LYZ: variants seen among roughly 807,000 people sequenced by gnomAD.
The protein encoded by LYZ is lysozyme.
In LYZ, 18 loss-of-function variants were observed where a neutral mutation model predicts 15.8. The observed-to-expected ratio is 1.14, with a 90% CI of 0.79 to 1.69. The LOEUF is 1.69. Ranked by LOEUF, LYZ falls within the 40% of genes most tolerant of loss-of-function variation. LYZ has a pLI of 0.00. For missense variants in LYZ, 139 were observed against 182.8 expected (o/e 0.76, Z 1.38); for synonymous variants, 60 against 61.7 (o/e 0.97, Z 0.13).
At position 69,353,214 on chromosome 12, in the gene LYZ, G is replaced by T; in HGVS notation, c.442G>T (p.Val148Leu). Residue 148 changes from valine (V) to leucine (L), a missense_variant, in exon 4 of 4, where the codon GTG becomes TTG. Physicochemically the swap from Val to Leu is conservative, Grantham distance 32. Coordinates refer to ENST00000261267, the MANE Select transcript of LYZ (RefSeq NM_000239.3). ...CCGTCAGTATGTTCAAGGTTGTGGA[G>T]TGTAACTCCAGAATTTTCCTTCTTC... Reference protein sequence around the residue: ...DVRQYVQGCGV With the variant: ...DVRQYVQGCGL 6.2e-7 allele frequency: 1 copy of T among 1,613,712 alleles called. No homozygotes were observed. Among genetic ancestry groups the T allele is most frequent in the Non-Finnish European group, 8.5e-7 (1 of 1,179,632 alleles).
At chr12:69,350,382 C>T in intron 2 of LYZ, 110 bp downstream of exon 2, 1 of 1,041,934 alleles carries the variant, frequency 9.6e-7, no homozygotes, top group Non-Finnish European at 1.5e-6. Context: ...AACTACATCT[C>T]AACTTCCAGA....
At chr12:69,351,313 T>C (rs1252414580) in intron 2 of LYZ, among the ~76,000 whole-genome samples, 1 of 151,954 alleles carries the variant, frequency 6.6e-6, no homozygotes. Context: ...TATTATTAAA[T>C]TGTTAAATAT....
In LYZ at chr12:69,353,410, A is replaced by G. The variant is rs183375295; in HGVS notation, c.*191A>G. On this transcript the variant is annotated 3_prime_UTR_variant, in exon 4 of 4. Transcript: ENST00000261267. ...GTGGTTATTTTACATTAAGCCTACA[A>G]CATTTTTCAGTTTGCAAATAGAACT... 2.8e-3 allele frequency: 1,802 copies of G among 645,514 alleles called. 34 individuals are homozygous for G. The East Asian group carries it at 0.031, about 11-fold the overall frequency. 40.0% of individuals were successfully genotyped at this position (645,514 alleles called of 1,614,324 possible). A position where few individuals can be genotyped will look rare whatever the true frequency, so the allele number is the denominator to read the frequency against.
chr12:69,349,836 C>T (rs138672030), intron 1 of LYZ, among the ~76,000 whole-genome samples: 1 of 151,984 alleles, frequency 6.6e-6, no homozygotes, highest in African/African-American at 2.4e-5. Context: ...GATGGGAGCA[C>T]GGGAAGGGTA....
At chr12:69,351,859 T>G (rs995620318) in intron 2 of LYZ, among the ~76,000 whole-genome samples, 2 of 152,230 alleles carry the variant, frequency 1.3e-5, no homozygotes, top group Non-Finnish European at 2.9e-5. Context: ...TATGAATAGC[T>G]TTTTGTATAC....
rs1302352452 is a variant in LYZ, at chr12:69,348,523, A to C, written c.115A>C (p.Arg39=). ...GAAAAGATTGGGAATGGATGGCTAC[A>C]GGGGAATCAGCCTAGCAAACTGTAA... is the stretch of plus-strand genomic sequence containing the variant. ...TLKRLGMDGY[R]GISLANWMCL... Residue 39 remains arginine (R), a synonymous_variant, in exon 1 of 4, where the codon AGG becomes CGG. Coordinates refer to ENST00000261267, the MANE Select transcript of LYZ (RefSeq NM_000239.3). The C allele has an allele frequency of 6.2e-7, 1 of 1,614,114 alleles. No homozygotes were observed. Among genetic ancestry groups the C allele is most frequent in the African/African-American group, 1.3e-5 (1 of 74,932 alleles).
chr12:69,350,418 TC>T, intron 2 of LYZ, 146 bp downstream of exon 2: 1 of 772,110 alleles, frequency 1.3e-6, no homozygotes, highest in Non-Finnish European at 2.1e-6. Flanking sequence ...TCCTCATAAT[TC>T]CCTGAGTAAG....
rs773204148 is a variant in LYZ at position 69,348,498 on chromosome 12, G to A, written c.90G>A (p.Leu30=). ...VFERCELART[L]KRLGMDGYRG... The stretch of plus-strand genomic sequence containing the variant: ...AAAGGTGTGAGTTGGCCAGAACTCT[G>A]AAAAGATTGGGAATGGATGGCTACA... The change falls in exon 1 of 4, where the codon CTG becomes CTA. Residue 30 remains leucine, a synonymous_variant. Coordinates refer to ENST00000261267, the MANE Select transcript of LYZ (RefSeq NM_000239.3). 1.2e-6 allele frequency: 2 copies of A among 1,614,184 alleles called. No individual in the cohort carries two copies. Among genetic ancestry groups the A allele is most frequent in the Admixed American group, 3.3e-5 (2 of 60,024 alleles).
chr12:69,350,956 G>A (rs1874832717), intron 2 of LYZ, among the ~76,000 whole-genome samples: 1 of 151,482 alleles, frequency 6.6e-6, no homozygotes, highest in African/African-American at 2.4e-5. Context: ...GAAATTTTTA[G>A]TACAGGCAAA....
chr12:69,348,527 G>A lies in LYZ; in HGVS notation c.119G>A (p.Gly40Glu), dbSNP rs751442626. The A allele has an allele frequency of 6.2e-7, 1 of 1,614,158 alleles. No homozygotes were observed. The highest frequency in any genetic ancestry group is 8.5e-7 in the Non-Finnish European group (1 of 1,180,028). Residue 40 changes from glycine (G) to glutamate (E), a missense_variant, in exon 1 of 4, where the codon GGA (glycine) becomes GAA (glutamate). Transcript: ENST00000261267. ...LKRLGMDGYR[G>E]ISLANWMCLA... ...AGATTGGGAATGGATGGCTACAGGG[G>A]AATCAGCCTAGCAAACTGTAAGTCT...
intron 1 of LYZ, among the ~76,000 whole-genome samples, chr12:69,349,776 A>G (rs1216426569): frequency 6.6e-6 from 1 of 152,168 alleles, no homozygotes; most frequent in Non-Finnish European, 1.5e-5. Flanking sequence ...TACAAAATCT[A>G]CTCAACAGCT....
chr12:69,352,217 C>G lies in LYZ; in HGVS notation c.302-3C>G. On this transcript the variant is annotated splice_polypyrimidine_tract_variant and splice_region_variant and intron_variant, in intron 2 of 3. Coordinates refer to ENST00000261267, the MANE Select transcript of LYZ (RefSeq NM_000239.3). ...TTTTTATTCCTTACCACCTGTCTTTCAGCTTTGCTGCAAGATAACATCGCT... is the reference window on the plus strand; with the variant it reads ...TTTTTATTCCTTACCACCTGTCTTTGAGCTTTGCTGCAAGATAACATCGCT... The G allele has an allele frequency of 6.2e-7, 1 of 1,612,082 alleles. No individual in the cohort carries two copies. Among genetic ancestry groups the G allele is most frequent in the Non-Finnish European group, 8.5e-7 (1 of 1,178,206 alleles).
chr12:69,348,951 C>T (rs1874783075), intron 1 of LYZ, among the ~76,000 whole-genome samples: 1 of 151,830 alleles, frequency 6.6e-6, no homozygotes, highest in Non-Finnish European at 1.5e-5. Flanking sequence ...CAGTATTTTT[C>T]TTGTCTTCAA....
At chr12:69,350,505 CT>C (rs1309232745) in intron 2 of LYZ, 13 of 493,940 alleles carry the variant, frequency 2.6e-5, no homozygotes, top group Non-Finnish European at 4.4e-5. Flanking sequence ...TATTAATTTA[CT>C]GTCAATGGCC....
chr12:69,353,595 T>G lies in LYZ; in HGVS notation c.*376T>G. 1 of 260,142 alleles carries G rather than the reference T, an allele frequency of 3.8e-6. No individual in the cohort carries two copies. Among genetic ancestry groups the G allele is most frequent in the Non-Finnish European group, 7.5e-6 (1 of 134,120 alleles). 16.1% of individuals were successfully genotyped at this position (260,142 alleles called of 1,614,324 possible). On this transcript the variant is annotated 3_prime_UTR_variant, in exon 4 of 4. Transcript: ENST00000261267. ...CCTCCACCTCCCGGGTTCACGCCATTCTCCTGCCTCAGCCTCCCGAGTAGC... is the reference window on the plus strand; with the variant it reads ...CCTCCACCTCCCGGGTTCACGCCATGCTCCTGCCTCAGCCTCCCGAGTAGC...
Position 69,353,890 on chromosome 12 carries a change from T to A in LYZ, c.*671T>A, listed in dbSNP as rs1338995763. On this transcript the variant is annotated 3_prime_UTR_variant, in exon 4 of 4. Transcript: ENST00000261267. ...ATAAGAAAAGGTTATCTTAAATAGATCTTAGGCAAAATACCAGCTGATGAA... is the reference window on the plus strand; with the variant it reads ...ATAAGAAAAGGTTATCTTAAATAGAACTTAGGCAAAATACCAGCTGATGAA... 6.6e-6 allele frequency: 1 copy of A among 152,358 alleles called. No individual in the cohort carries two copies. The highest frequency in any genetic ancestry group is 2.4e-5 in the African/African-American group (1 of 41,394). 9.4% of individuals were successfully genotyped at this position (152,358 alleles called of 1,614,324 possible). A position where few individuals can be genotyped will look rare whatever the true frequency, so the allele number is the denominator to read the frequency against.
At chr12:69,349,201 C>T (rs1874789137) in intron 1 of LYZ, among the ~76,000 whole-genome samples, 1 of 152,056 alleles carries the variant, frequency 6.6e-6, no homozygotes, top group African/African-American at 2.4e-5. Context: ...TGGGGTTTCA[C>T]CATGTTGGCC....
In LYZ at chr12:69,350,256, T is replaced by C. The variant is rs866281899; in HGVS notation, c.285T>C (p.Cys95=). Reference sequence around the variant, plus strand: ...AAACCCCAGGAGCAGTTAATGCCTGTCATTTATCCTGCAGTGGTAAGACAA... The same window carrying C: ...AAACCCCAGGAGCAGTTAATGCCTGCCATTTATCCTGCAGTGGTAAGACAA... ...DGKTPGAVNA[C]HLSCSALLQD... is the part of the protein sequence containing the mutation. The change falls in exon 2 of 4, where the codon TGT becomes TGC. Residue 95 remains cysteine (C), a synonymous_variant. Transcript: ENST00000261267. 6.2e-7 allele frequency: 1 copy of C among 1,614,130 alleles called. No individual in the cohort carries two copies. Among genetic ancestry groups the C allele is most frequent in the Middle Eastern group, 1.7e-4 (1 of 6,060 alleles).
At chr12:69,352,157 C>A in intron 2 of LYZ, 63 bp from the exon 3 acceptor site, 1 of 1,206,564 alleles carries the variant, frequency 8.3e-7, no homozygotes, top group Non-Finnish European at 1.2e-6. Flanking sequence ...AAAAAGCTGG[C>A]TAAACCTAAA....
Sources: gnomAD v4.1 joint callset for allele counts (sites outside exome capture counted in the v4.1 genomes callset) on GRCh38, gnomAD v4.1.1 for gene constraint, MANE v1.5 for transcripts, NCBI Gene and HGNC (gene_info 2026-07-23, HGNC 2026-07-21) for gene names.